The following TULP4 variants were observed in gnomAD, a reference collection of about 807,000 sequenced individuals.
TULP4 encodes TUB like protein 4.
TULP4 carries 16 observed loss-of-function variants against 129.0 expected under a neutral mutation model. That is an observed-to-expected ratio of 0.12 (90% CI 0.08 to 0.19). TULP4 has a LOEUF of 0.19. Ranked by LOEUF, TULP4 falls within the 10% of genes least tolerant of loss-of-function variation. The pLI is 1.00. For missense variants in TULP4, 1,842 were observed against 2,059.1 expected, an observed-to-expected ratio of 0.89 and a Z score of 2.04; for synonymous variants, 998 against 854.0, an observed-to-expected ratio of 1.17 and a Z score of -2.94.
chr6:158,502,860 C>T lies in TULP4; in HGVS notation c.3197C>T (p.Ser1066Phe). 4 of 1,613,804 alleles carry T rather than the reference C, an allele frequency of 2.5e-6. No individual in the cohort carries two copies. Among genetic ancestry groups the T allele is most frequent in the Non-Finnish European group, 3.4e-6 (4 of 1,179,996 alleles). ...TASASPLASQ[S>F]SYSLLSPPDS... ...AGCGCCTCCCCGTTGGCCTCCCAGT[C>T]CTCCTACAGCCTCCTGAGCCCACCC... The change falls in exon 13 of 14, where the codon TCC becomes TTC. Residue 1066 changes from serine to phenylalanine, a missense_variant. This residue lies in a region of TULP4 where 1,089 missense variants were observed against 987.1 expected (regional missense o/e 1.10). Coordinates refer to ENST00000367097, the MANE Select transcript of TULP4 (RefSeq NM_020245.5).
chr6:158,386,032 A>C (rs1365601424), intron 1 of TULP4, among the ~76,000 whole-genome samples: 2 of 151,710 alleles, frequency 1.3e-5, no homozygotes, highest in Non-Finnish European at 2.9e-5. Flanking sequence ...TTTTGTAGAG[A>C]CAGGGTCTCA....
intron 1 of TULP4, among the ~76,000 whole-genome samples, chr6:158,394,658 G>T (rs866849771): frequency 4.6e-5 from 7 of 151,622 alleles, no homozygotes; most frequent in Middle Eastern, 3.4e-3. Flanking sequence ...GTGGTGGCGG[G>T]CGCCTGTAGT....
intron 1 of TULP4, among the ~76,000 whole-genome samples, chr6:158,268,192 C>T (rs1309301161): frequency 6.6e-6 from 1 of 151,874 alleles, no homozygotes; most frequent in Non-Finnish European, 1.5e-5. Flanking sequence ...TGCACCACCA[C>T]ACTTGGCTAA....
chr6:158,269,859 G>A (rs1206588512), intron 1 of TULP4, among the ~76,000 whole-genome samples: 1 of 152,242 alleles, frequency 6.6e-6, no homozygotes, highest in African/African-American at 2.4e-5. Context: ...GGGAGAGCCA[G>A]GCCCGGTGCC....
chr6:158,335,008 T>C (rs1394681684), intron 1 of TULP4, among the ~76,000 whole-genome samples: 4 of 152,176 alleles, frequency 2.6e-5, no homozygotes. Flanking sequence ...TCAGGTACAG[T>C]GGCTCAGGCC....
At chr6:158,486,142 C>G (rs2128252836) in intron 8 of TULP4, among the ~76,000 whole-genome samples, 1 of 152,206 alleles carries the variant, frequency 6.6e-6, no homozygotes, top group Non-Finnish European at 1.5e-5. Context: ...ATTGTGCCCC[C>G]ACGTCACCCC....
intron 11 of TULP4, among the ~76,000 whole-genome samples, chr6:158,497,916 C>G (rs1582881078): frequency 6.6e-6 from 1 of 152,204 alleles, no homozygotes; most frequent in Non-Finnish European, 1.5e-5. Flanking sequence ...GACTATTGAA[C>G]ACAAAAGCAA....
intron 8 of TULP4, among the ~76,000 whole-genome samples, chr6:158,482,374 C>G (rs1779967777): frequency 6.6e-6 from 1 of 152,218 alleles, no homozygotes; most frequent in African/African-American, 2.4e-5. Flanking sequence ...TGACACTCTA[C>G]TACCCCTGCA....
chr6:158,357,302 T>C (rs1263098504), intron 1 of TULP4, among the ~76,000 whole-genome samples: 1 of 152,212 alleles, frequency 6.6e-6, no homozygotes, highest in East Asian at 1.9e-4. Context: ...TTGCCACTGG[T>C]GTTACCAGCA....
intron 1 of TULP4, among the ~76,000 whole-genome samples, chr6:158,352,410 T>A (rs542171991): frequency 6.6e-6 from 1 of 152,340 alleles, no homozygotes; most frequent in South Asian, 2.1e-4. Context: ...CACTGGTTCT[T>A]TTTTTGAGAC....
At chr6:158,476,508 G>A (rs144507613) in intron 6 of TULP4, among the ~76,000 whole-genome samples, 3 of 152,192 alleles carry the variant, frequency 2.0e-5, no homozygotes, top group Admixed American at 6.5e-5. Context: ...TCGTCCGAGC[G>A]AATGCGCTAC....
chr6:158,259,951 C>G (rs544095123), intron 1 of TULP4, among the ~76,000 whole-genome samples: 1 of 152,336 alleles, frequency 6.6e-6, no homozygotes. Flanking sequence ...CCTGGCACAT[C>G]AATGTATTCA....
intron 12 of TULP4, among the ~76,000 whole-genome samples, chr6:158,501,170 T>C (rs186620526): frequency 2.5e-4 from 38 of 152,362 alleles, no homozygotes; most frequent in Non-Finnish European, 4.0e-4. Flanking sequence ...TACATGGTTC[T>C]ATTTACAGAA....
At chr6:158,232,695 C>T (rs1051758545) in intron 1 of TULP4, among the ~76,000 whole-genome samples, 1 of 152,058 alleles carries the variant, frequency 6.6e-6, no homozygotes, top group Admixed American at 6.5e-5. Flanking sequence ...ACAGAAAATC[C>T]CTGAAAACGG....
At chr6:158,344,160 C>T (rs1399465187) in intron 1 of TULP4, among the ~76,000 whole-genome samples, 1 of 152,190 alleles carries the variant, frequency 6.6e-6, no homozygotes, top group Admixed American at 6.5e-5. Flanking sequence ...GTGAGATCCA[C>T]CCCCTGCCCG....
chr6:158,420,412 A>AC (rs1778311957), intron 2 of TULP4, among the ~76,000 whole-genome samples: 1 of 152,246 alleles, frequency 6.6e-6, no homozygotes, highest in Non-Finnish European at 1.5e-5. Context: ...ATTATAGACC[A>AC]CGATCTCTGA....
Position 158,452,275 on chromosome 6 carries a change from A to G in TULP4, c.859+7A>G, listed in dbSNP as rs768992150. The G allele has an allele frequency of 3.3e-5, 54 of 1,613,624 alleles. No individual in the cohort carries two copies. Among genetic ancestry groups the G allele is most frequent in the Non-Finnish European group, 4.2e-5 (50 of 1,179,840 alleles). ...ATCCGCTCAGGGCTGAAAGGTACAG[A>G]ATGCTGCACACACCCCAAACCTGCA... On this transcript the variant is annotated splice_region_variant and intron_variant, in intron 5 of 13. Coordinates refer to ENST00000367097, the MANE Select transcript of TULP4 (RefSeq NM_020245.5).
At chr6:158,365,732 A>C (rs1410689384) in intron 1 of TULP4, among the ~76,000 whole-genome samples, 3 of 151,676 alleles carry the variant, frequency 2.0e-5, no homozygotes, top group Admixed American at 2.0e-4. Context: ...TGGCCTCCCA[A>C]AATGCTGGGA....
chr6:158,267,624 C>T (rs1778470135), intron 1 of TULP4, among the ~76,000 whole-genome samples: 1 of 152,220 alleles, frequency 6.6e-6, no homozygotes, highest in African/African-American at 2.4e-5. Flanking sequence ...AGGAGGGTCA[C>T]TGCTTTGTCA....
Sources: gnomAD v4.1 joint callset for allele counts (sites outside exome capture counted in the v4.1 genomes callset) on GRCh38, gnomAD v4.1.1 for gene constraint, gnomAD v4.1.1 regional missense constraint, MANE v1.5 for transcripts, NCBI Gene and HGNC (gene_info 2026-07-23, HGNC 2026-07-21) for gene names.